Variants in CYTH1 observed in about 807,000 individuals in gnomAD.
The protein encoded by CYTH1 is cytohesin-1.
Under a neutral mutation model 61.8 loss-of-function variants are expected in CYTH1, and 18 were observed. The observed-to-expected ratio is 0.29, with a 90% CI of 0.20 to 0.43. CYTH1 has a LOEUF of 0.43. CYTH1 is among the 20% of genes least tolerant of loss of function. The pLI, the probability that CYTH1 is intolerant of heterozygous loss-of-function variation, is 1.00. For synonymous variants in CYTH1, 174 were observed against 184.3 expected (o/e 0.94, Z 0.45); for missense variants, 336 against 510.5 (o/e 0.66, Z 3.29).
intron 1 of CYTH1, among the ~76,000 whole-genome samples, chr17:78,771,688 G>A (rs1035757637): frequency 2.7e-5 from 4 of 149,642 alleles, no homozygotes; most frequent in African/African-American, 4.9e-5. Flanking sequence ...CTGAGATTGC[G>A]CCATTGCACT....
At chr17:78,727,605 A>G (rs906254592) in intron 1 of CYTH1, 19 of 459,530 alleles carry the variant, frequency 4.1e-5, no homozygotes, top group African/African-American at 3.2e-4. Flanking sequence ...CTAGGGCACC[A>G]GCCTTCCAAG....
At chr17:78,716,804 A>G (rs148907570) in intron 1 of CYTH1, 1 of 152,366 alleles carries the variant, frequency 6.6e-6, no homozygotes, top group African/African-American at 2.4e-5. Flanking sequence ...CAGCATGAAG[A>G]ATCAACACTA....
At chr17:78,743,971 A>G (rs1466261162) in intron 1 of CYTH1, among the ~76,000 whole-genome samples, 1 of 152,162 alleles carries the variant, frequency 6.6e-6, no homozygotes, top group Non-Finnish European at 1.5e-5. Context: ...TAGTTACCCA[A>G]AGAAGTATTC....
chr17:78,703,550 T>C (rs948789251), intron 3 of CYTH1, among the ~76,000 whole-genome samples: 2 of 152,096 alleles, frequency 1.3e-5, no homozygotes, highest in Non-Finnish European at 2.9e-5. Flanking sequence ...AACATTTTCA[T>C]CTCCCCTACA....
intron 1 of CYTH1, among the ~76,000 whole-genome samples, chr17:78,727,172 G>A (rs1223604861): frequency 6.6e-6 from 1 of 152,178 alleles, no homozygotes; most frequent in Non-Finnish European, 1.5e-5. Flanking sequence ...GGTCCTCTCT[G>A]CCCATGAGGC....
Position 78,761,085 on chromosome 17 carries a change from C to T in CYTH1, c.22+21117G>A, listed in dbSNP as rs544123958. ...TCCCGACCTTGTGATCCACCCACCT[C>T]GGCCTCCCAAAGTGCTGGATTACAG... On this transcript the variant is annotated intron_variant, in intron 1 of 13. Coordinates refer to ENST00000446868, the MANE Select transcript of CYTH1 (RefSeq NM_004762.6). 9.9e-5 allele frequency among the ~76,000 whole-genome samples: 15 copies of T among 152,198 alleles called. No homozygotes were observed. In the East Asian group the frequency reaches 1.9e-3, roughly 20 times the overall value.
chr17:78,710,558 T>C (rs1198323916), intron 1 of CYTH1, among the ~76,000 whole-genome samples: 30 of 152,184 alleles, frequency 2.0e-4, no homozygotes, highest in Admixed American at 2.0e-3. Flanking sequence ...AGAACAAGCA[T>C]TAGAATCAAA....
intron 1 of CYTH1, among the ~76,000 whole-genome samples, chr17:78,762,932 G>C (rs942456632): frequency 9.9e-5 from 15 of 152,186 alleles, no homozygotes; most frequent in Non-Finnish European, 1.5e-4. Context: ...CAAACTGTAA[G>C]ATAATAATGT....
chr17:78,700,733 C>T lies in CYTH1; in HGVS notation c.438-290G>A, dbSNP rs1330977027. 6.6e-6 allele frequency among the ~76,000 whole-genome samples: 1 copy of T among 152,044 alleles called. No individual in the cohort carries two copies. Among genetic ancestry groups the T allele is most frequent in the African/African-American group, 2.4e-5 (1 of 41,376 alleles). On this transcript the variant is annotated intron_variant, in intron 6 of 13. Coordinates refer to ENST00000446868, the MANE Select transcript of CYTH1 (RefSeq NM_004762.6). This position sits in a 1 kb window ranked among gnomAD's most constrained non-coding sequence, Gnocchi z 5.1. The stretch of plus-strand genomic sequence containing the variant: ...AGAGACGGGGTTTCACCATGCTGGC[C>T]AGGCTGGTCTCAAACTCCTGGCCTC...
chr17:78,677,304 G>C, intron 13 of CYTH1: 1 of 354,490 alleles, frequency 2.8e-6, no homozygotes, highest in Non-Finnish European at 5.6e-6. Context: ...CTGCAGAGAG[G>C]TGCGTGTGGC....
At chr17:78,782,114 C>G in intron 1 of CYTH1, 88 bp downstream of exon 1, 1 of 1,150,740 alleles carries the variant, frequency 8.7e-7, no homozygotes. Context: ...CGGGAAACGC[C>G]AGCCGCCGCA....
At chr17:78,740,690 C>T (rs1025619168) in intron 1 of CYTH1, among the ~76,000 whole-genome samples, 2 of 152,220 alleles carry the variant, frequency 1.3e-5, no homozygotes, top group African/African-American at 4.8e-5. Flanking sequence ...GTTTCACTCA[C>T]TCATAAGTGA....
intron 11 of CYTH1, chr17:78,691,525 T>G (rs1419472718): frequency 6.6e-6 from 1 of 152,252 alleles, no homozygotes; most frequent in Non-Finnish European, 1.5e-5. Flanking sequence ...CTTAATTTTC[T>G]CAGTGGGATC....
At chr17:78,779,908 T>G (rs955612077) in intron 1 of CYTH1, among the ~76,000 whole-genome samples, 2 of 152,224 alleles carry the variant, frequency 1.3e-5, no homozygotes, top group African/African-American at 2.4e-5. Flanking sequence ...ATAACAGGTA[T>G]AGGAAACTAA....
chr17:78,738,170 T>C (rs1390966876), intron 1 of CYTH1, among the ~76,000 whole-genome samples: 1 of 152,208 alleles, frequency 6.6e-6, no homozygotes, highest in African/African-American at 2.4e-5. Flanking sequence ...TCCCACCTCA[T>C]CATCGTAATA....
chr17:78,734,924 C>T (rs1276588040), intron 1 of CYTH1, among the ~76,000 whole-genome samples: 1 of 152,116 alleles, frequency 6.6e-6, no homozygotes, highest in African/African-American at 2.4e-5. Flanking sequence ...TCTGCCCTCC[C>T]CTGGGATCTC....
At chr17:78,772,332 T>G (rs1294987818) in intron 1 of CYTH1, among the ~76,000 whole-genome samples, 2 of 152,196 alleles carry the variant, frequency 1.3e-5, no homozygotes, top group African/African-American at 4.8e-5. Flanking sequence ...CCAAATGACC[T>G]ATGATGTGTG....
intron 1 of CYTH1, among the ~76,000 whole-genome samples, chr17:78,730,722 T>G (rs559037620): frequency 6.6e-6 from 1 of 151,856 alleles, no homozygotes; most frequent in East Asian, 2.0e-4. Context: ...TGGAGTGCAG[T>G]GGTGCAATCT....
intron 1 of CYTH1, among the ~76,000 whole-genome samples, chr17:78,744,390 C>T (rs1479040684): frequency 2.6e-5 from 4 of 152,112 alleles, no homozygotes; most frequent in Admixed American, 2.6e-4. Flanking sequence ...CAGCTTAGAC[C>T]TTTCCTAACA....
Sources: gnomAD v4.1 joint callset for allele counts (sites outside exome capture counted in the v4.1 genomes callset) on GRCh38, gnomAD v4.1.1 for gene constraint, Gnocchi (gnomAD v3.1) non-coding constraint, MANE v1.5 for transcripts, NCBI Gene and HGNC (gene_info 2026-07-23, HGNC 2026-07-21) for gene names.